MAP3K11: variants seen among roughly 807,000 people sequenced by gnomAD.
The protein encoded by MAP3K11 is mitogen-activated protein kinase kinase kinase 11.
In MAP3K11, 46 loss-of-function variants were observed where a neutral mutation model predicts 84.9. The observed-to-expected ratio is 0.54, with a 90% CI of 0.43 to 0.69. The LOEUF is 0.69. Among genes scored for constraint, MAP3K11 ranks in the 30% least tolerant of loss-of-function variants. MAP3K11 has a pLI of 0.00. For missense variants in MAP3K11, 1,053 were observed against 1,198.3 expected, an observed-to-expected ratio of 0.88 and a Z score of 1.79; for synonymous variants, 527 against 514.7, an observed-to-expected ratio of 1.02 and a Z score of -0.32.
At chr11:65,605,636 C>G in intron 8 of MAP3K11, 125 bp downstream of exon 8, 1 of 665,206 alleles carries the variant, frequency 1.5e-6, no homozygotes, top group East Asian at 3.1e-5. Flanking sequence ...CCTTGGTTTC[C>G]TAGTCTCTAG....
intron 5 of MAP3K11, chr11:65,607,059 C>A: frequency 2.6e-6 from 2 of 771,386 alleles, no homozygotes; most frequent in South Asian, 2.1e-5. Context: ...AACCCCACCC[C>A]TTCCCACTCC....
intron 6 of MAP3K11, 21 bp downstream of exon 6, chr11:65,606,670 A>AT: frequency 2.0e-6 from 3 of 1,533,482 alleles, no homozygotes; most frequent in Non-Finnish European, 2.7e-6. Flanking sequence ...GGAGAGGGGC[A>AT]TGAGAGGTGA....
chr11:65,610,590 A>G (rs1254398698), intron 1 of MAP3K11: 1 of 152,246 alleles, frequency 6.6e-6, no homozygotes, highest in Admixed American at 6.5e-5. Context: ...AAGGGGAAAC[A>G]CAGCAGGCTG....
intron 8 of MAP3K11, among the ~76,000 whole-genome samples, chr11:65,601,353 T>C (rs539424730): frequency 2.4e-4 from 37 of 152,342 alleles, no homozygotes; most frequent in African/African-American, 8.9e-4. Context: ...TACACAGTTA[T>C]TGCTCACGTT....
At chr11:65,609,766 G>T (rs76984126) in intron 1 of MAP3K11, 3,261 of 152,462 alleles carry the variant, frequency 0.021, 54 homozygotes, top group Non-Finnish European at 0.029. Context: ...GGCACAGGGG[G>T]TGGGGCAGAT....
intron 5 of MAP3K11, 61 bp from the exon 6 acceptor site, chr11:65,606,865 A>T (rs1854514670): frequency 9.0e-7 from 1 of 1,115,452 alleles, no homozygotes; most frequent in Non-Finnish European, 1.3e-6. Context: ...CCAGGACCCC[A>T]ACCTGCAGGG....
At chr11:65,611,324 C>T (rs1854568667) in intron 1 of MAP3K11, 1 of 152,340 alleles carries the variant, frequency 6.6e-6, no homozygotes, top group South Asian at 2.1e-4. Context: ...CCCCGCCAGG[C>T]TTCCTCACAA....
Position 65,607,995 on chromosome 11 carries a change from A to G in MAP3K11, c.996T>C (p.Tyr332=), listed in dbSNP as rs2135370929. 1.9e-6 allele frequency: 3 copies of G among 1,614,208 alleles called. No homozygotes were observed. In the Middle Eastern group the frequency reaches 4.9e-4, roughly 266 times the overall value. ...YRGIDCLAVA[Y]GVAVNKLTLP... is the part of the protein sequence containing the mutation. ...GTGTGAGCTTGTTAACAGCTACGCCATAGGCCACAGCAAGGCAGTCAATGC... is the reference window on the plus strand; with the variant it reads ...GTGTGAGCTTGTTAACAGCTACGCCGTAGGCCACAGCAAGGCAGTCAATGC... The change falls in exon 3 of 10, where the codon TAT becomes TAC. Residue 332 remains tyrosine, a synonymous_variant. Coordinates refer to ENST00000309100, the MANE Select transcript of MAP3K11 (RefSeq NM_002419.4).
rs56369260 is a variant in MAP3K11 at position 65,613,655 on chromosome 11, C to T, written c.102G>A (p.Gly34=). The stretch of plus-strand genomic sequence containing the variant: ...TGGCATAACCCGCTGCCTTTGGAGA[C>T]CCCTCAGGCCGGCCTCCTCCACCGC... ...GGGGGGGRPE[G]SPKAAGYANP... Residue 34 remains glycine, a synonymous_variant, in exon 1 of 10, where the codon GGG becomes GGA. Transcript: ENST00000309100. 10 of 1,612,640 alleles carry T rather than the reference C, an allele frequency of 6.2e-6. No individual in the cohort carries two copies. In the East Asian group the frequency reaches 1.3e-4, roughly 22 times the overall value.
In MAP3K11 at chr11:65,613,283, G is replaced by A. The variant is rs753358832; in HGVS notation, c.474C>T (p.Ala158=). 3.5e-5 allele frequency: 57 copies of A among 1,612,914 alleles called. No individual in the cohort carries two copies. The highest frequency in any genetic ancestry group is 2.2e-4 in the East Asian group (10 of 44,866). The change falls in exon 1 of 10, where the codon GCC becomes GCT. Residue 158 remains alanine, a synonymous_variant. Transcript: ENST00000309100. The part of the protein sequence containing the change: ...QDPDEDISVT[A]ESVRQEARLF... The stretch of plus-strand genomic sequence containing the variant: ...GCCGGGCCTCCTGGCGAACGCTCTC[G>A]GCTGTCACACTGATGTCCTCATCGG...
rs1854506199 is a variant in MAP3K11 at position 65,606,203 on chromosome 11, G to A, written c.1604-122C>T. The stretch of plus-strand genomic sequence containing the variant: ...CTGGGCCCTGTACCATTCCCAGGGT[G>A]AGCTTTGGGCAAGATAGATGGGTTT... On this transcript the variant is annotated intron_variant, in intron 6 of 9. Coordinates refer to ENST00000309100, the MANE Select transcript of MAP3K11 (RefSeq NM_002419.4). 4.3e-6 allele frequency: 5 copies of A among 1,169,406 alleles called. No homozygotes were observed. In the East Asian group the frequency reaches 1.2e-4, roughly 27 times the overall value. 72.4% of individuals were successfully genotyped at this position (1,169,406 alleles called of 1,614,324 possible).
At chr11:65,607,094 C>A (rs1184514356) in intron 5 of MAP3K11, 176 bp downstream of exon 5, 2 of 949,798 alleles carry the variant, frequency 2.1e-6, no homozygotes, top group Admixed American at 3.8e-5. Flanking sequence ...AATACTTCCG[C>A]CAGAACCCGC....
intron 1 of MAP3K11, chr11:65,611,656 G>C (rs1161479984): frequency 6.6e-6 from 1 of 152,434 alleles, no homozygotes; most frequent in African/African-American, 2.4e-5. Flanking sequence ...CTGGAGCAGG[G>C]ACAGGAAGCC....
At position 65,597,916 on chromosome 11, in the gene MAP3K11, C is replaced by T. The variant is rs1408243240; in HGVS notation, c.*375G>A. 1.5e-5 allele frequency: 3 copies of T among 193,686 alleles called. No individual in the cohort carries two copies. Among genetic ancestry groups the T allele is most frequent in the African/African-American group, 2.3e-5 (1 of 43,088 alleles). 12.0% of individuals were successfully genotyped at this position (193,686 alleles called of 1,614,324 possible). A position where few individuals can be genotyped will look rare whatever the true frequency, so the allele number is the denominator to read the frequency against. On this transcript the variant is annotated 3_prime_UTR_variant, in exon 10 of 10. Coordinates refer to ENST00000309100, the MANE Select transcript of MAP3K11 (RefSeq NM_002419.4). Reference sequence around the variant, plus strand: ...ATGCTCTAAGCCCTAGGGCAGGGGCCGCAGTAGCAGGACTTGGTCAAAAGT... The same window carrying T: ...ATGCTCTAAGCCCTAGGGCAGGGGCTGCAGTAGCAGGACTTGGTCAAAAGT...
chr11:65,608,577 A>G, intron 1 of MAP3K11, 129 bp from the exon 2 acceptor site: 1 of 704,734 alleles, frequency 1.4e-6, no homozygotes, highest in Non-Finnish European at 2.4e-6. Context: ...CTTGGTCTAG[A>G]TCTTGAGGAC....
Position 65,608,616 on chromosome 11 carries a change from T to C in MAP3K11, c.740-168A>G, listed in dbSNP as rs1854539937. 3 of 602,624 alleles carry C rather than the reference T, an allele frequency of 5.0e-6. No individual in the cohort carries two copies. In the South Asian group the frequency reaches 6.3e-5, roughly 13 times the overall value. 37.3% of individuals were successfully genotyped at this position (602,624 alleles called of 1,614,324 possible). A position where few individuals can be genotyped will look rare whatever the true frequency, so the allele number is the denominator to read the frequency against. ...CTTGAGGTCAGACATTTCTTTTCTT[T>C]TCCTTTTTTTTTTTTCTTAAGATAG... On this transcript the variant is annotated intron_variant, in intron 1 of 9. Coordinates refer to ENST00000309100, the MANE Select transcript of MAP3K11 (RefSeq NM_002419.4).
Position 65,607,269 on chromosome 11 carries a change from C to G in MAP3K11, c.1489+1G>C, listed in dbSNP as rs1351188621. The stretch of plus-strand genomic sequence containing the variant: ...GGGACGCCCCGGGGCCCGGCCCTCA[C>G]CGAGTGGCATGCTGATACGCTCGCC... On this transcript the variant is annotated splice_donor_variant, in intron 5 of 9. Coordinates refer to ENST00000309100, the MANE Select transcript of MAP3K11 (RefSeq NM_002419.4). LOFTEE classifies it high-confidence loss of function. The G allele has an allele frequency of 6.6e-7, 1 of 1,513,824 alleles. No homozygotes were observed. The highest frequency in any genetic ancestry group is 8.8e-7 in the Non-Finnish European group (1 of 1,140,058). 93.8% of individuals were successfully genotyped at this position (1,513,824 alleles called of 1,614,324 possible).
Position 65,608,344 on chromosome 11 carries a change from C to G in MAP3K11, c.844G>C (p.Ala282Pro), listed in dbSNP as rs746232637. 1.9e-6 allele frequency: 3 copies of G among 1,614,222 alleles called. No individual in the cohort carries two copies. The highest frequency in any genetic ancestry group is 2.5e-6 in the Non-Finnish European group (3 of 1,180,044). Residue 282 changes from alanine to proline, a missense_variant, in exon 2 of 10, where the codon GCC becomes CCC. Around this residue, in one of 3 missense-constraint regions of MAP3K11, gnomAD observed 310 missense variants for 464.5 expected, o/e 0.67. Transcript: ENST00000309100. ...GCCATCCAGGCGTAGGTGCCCGCGG[C>G]ACTCATTTGTGTGGTTTTGTGCCAC... ...REWHKTTQMSAAGTYAWMAPE... is the reference protein window; with the variant it reads ...REWHKTTQMSPAGTYAWMAPE...
chr11:65,611,732 G>GTTCCATT (rs879564305), intron 1 of MAP3K11: 3 of 152,380 alleles, frequency 2.0e-5, no homozygotes, highest in African/African-American at 4.8e-5. Context: ...CTGGGCTATT[G>GTTCCATT]TTCCATTTTT....
Sources: gnomAD v4.1 joint callset for allele counts (sites outside exome capture counted in the v4.1 genomes callset) on GRCh38, gnomAD v4.1.1 for gene constraint, gnomAD v4.1.1 regional missense constraint, MANE v1.5 for transcripts, NCBI Gene and HGNC (gene_info 2026-07-23, HGNC 2026-07-21) for gene names.